The following MTUS1 variants were observed in gnomAD, a reference collection of about 807,000 sequenced individuals.
MTUS1 encodes the protein microtubule-associated tumor suppressor 1.
MTUS1 carries 109 observed loss-of-function variants against 120.8 expected under a neutral mutation model. The ratio of observed to expected loss-of-function variants is 0.90; its 90% CI spans 0.77 to 1.06. The LOEUF (loss-of-function observed/expected upper bound fraction) is 1.06, where lower values mean the gene tolerates loss of function less well. MTUS1 is among the 50% of genes least tolerant of loss of function. The pLI is 0.00. For synonymous variants in MTUS1, 737 were observed against 550.5 expected (o/e 1.34, Z -4.74); for missense variants, 2,210 against 1,486.3 (o/e 1.49, Z -8.01).
intron 4 of MTUS1, chr8:17,722,581 C>A: frequency 1.0e-6 from 1 of 985,116 alleles, no homozygotes; most frequent in Non-Finnish European, 1.2e-6. Context: ...TCATATGAGT[C>A]CAGCTACTGC....
At chr8:17,747,905 AAG>A (rs1188966922) in intron 2 of MTUS1, among the ~76,000 whole-genome samples, 1 of 152,176 alleles carries the variant, frequency 6.6e-6, no homozygotes, top group Non-Finnish European at 1.5e-5. Context: ...GCAGCAGGCA[AAG>A]AGAGCTCATG....
At chr8:17,793,084 TA>T (rs201484702) in intron 1 of MTUS1, among the ~76,000 whole-genome samples, 2,898 of 152,306 alleles carry the variant, frequency 0.019, 38 homozygotes, top group Non-Finnish European at 0.031. Flanking sequence ...CATTTTTCTC[TA>T]AACAGAAAAC....
intron 1 of MTUS1, among the ~76,000 whole-genome samples, chr8:17,774,284 C>G (rs1022923077): frequency 4.6e-5 from 7 of 152,176 alleles, no homozygotes; most frequent in Non-Finnish European, 8.8e-5. Flanking sequence ...TGCATAAACG[C>G]CAAACAGCTG....
intron 1 of MTUS1, among the ~76,000 whole-genome samples, chr8:17,784,424 T>G (rs999437241): frequency 5.3e-5 from 8 of 151,554 alleles, no homozygotes; most frequent in African/African-American, 1.9e-4. Context: ...GCCTCTCAGG[T>G]AGCTGGGATT....
intron 8 of MTUS1, among the ~76,000 whole-genome samples, chr8:17,665,581 A>T (rs1187160350): frequency 1.3e-5 from 2 of 152,104 alleles, no homozygotes; most frequent in Non-Finnish European, 2.9e-5. Context: ...GGCTGGTCTC[A>T]AACTCCGGGC....
chr8:17,664,694 A>G (rs12543967), intron 8 of MTUS1, among the ~76,000 whole-genome samples: 9,285 of 152,038 alleles, frequency 0.061, 485 homozygotes, highest in East Asian at 0.24. Context: ...GGGACACTAC[A>G]TTCTACCGTA....
At chr8:17,772,640 C>T (rs1458467376) in intron 1 of MTUS1, among the ~76,000 whole-genome samples, 1 of 152,152 alleles carries the variant, frequency 6.6e-6, no homozygotes, top group African/African-American at 2.4e-5. Flanking sequence ...AGTTTTCCTA[C>T]AAAGAGAAAC....
rs779852718 is a variant in MTUS1 at position 17,645,907 on chromosome 8, T to G, written c.*19A>C. The G allele has an allele frequency of 6.2e-6, 10 of 1,604,438 alleles. No homozygotes were observed. The East Asian group carries it at 2.2e-4, about 36-fold the overall frequency. On this transcript the variant is annotated 3_prime_UTR_variant, in exon 15 of 15. Coordinates refer to ENST00000693296, the MANE Select transcript of MTUS1 (RefSeq NM_001363059.2). ...TGCATCAAAATGCTTTCAGAGAGTC[T>G]GTGGACTTTGGGGAGGTGTCATCTG... is the stretch of plus-strand genomic sequence containing the variant.
rs567000809 is a variant in MTUS1, at chr8:17,797,893, G to A, written c.-155+3168C>T. Among the ~76,000 whole-genome samples, 4 of 152,208 alleles carry A rather than the reference G, an allele frequency of 2.6e-5. No individual in the cohort carries two copies. In the South Asian group the frequency reaches 8.3e-4, roughly 32 times the overall value. ...TTCAAGCTTTCACAACACAGAGAAA[G>A]AACCCAACTTTGAGATATCAGGAAG... is the stretch of plus-strand genomic sequence containing the variant. On this transcript the variant is annotated intron_variant, in intron 1 of 14. Coordinates refer to ENST00000693296, the MANE Select transcript of MTUS1 (RefSeq NM_001363059.2).
intron 3 of MTUS1, among the ~76,000 whole-genome samples, chr8:17,736,305 T>C (rs994811380): frequency 6.6e-6 from 1 of 152,210 alleles, no homozygotes; most frequent in Non-Finnish European, 1.5e-5. Flanking sequence ...TGGCCCTGCT[T>C]GGTTGGTCCT....
Position 17,780,296 on chromosome 8 carries a change from G to A in MTUS1, c.-155+20765C>T, listed in dbSNP as rs577328296. 4.6e-5 allele frequency among the ~76,000 whole-genome samples: 7 copies of A among 152,258 alleles called. No individual in the cohort carries two copies. In the East Asian group the frequency reaches 5.8e-4, roughly 13 times the overall value. On this transcript the variant is annotated intron_variant, in intron 1 of 14. Coordinates refer to ENST00000693296, the MANE Select transcript of MTUS1 (RefSeq NM_001363059.2). ...TCTGCCATGATTGGAAGCTGCCTGCGGCCTCATCAGAAGCACATGCCAGCA... is the reference window on the plus strand; with the variant it reads ...TCTGCCATGATTGGAAGCTGCCTGCAGCCTCATCAGAAGCACATGCCAGCA...
intron 8 of MTUS1, among the ~76,000 whole-genome samples, chr8:17,672,727 C>T (rs1585574343): frequency 6.6e-6 from 1 of 152,206 alleles, no homozygotes; most frequent in African/African-American, 2.4e-5. Flanking sequence ...CACTGGGTGA[C>T]TGGGGATCTG....
In MTUS1 at chr8:17,723,219, T is replaced by G. The variant is rs77773035; in HGVS notation, c.2449+453A>C. 349 of 181,954 alleles carry G rather than the reference T, an allele frequency of 1.9e-3. 9 individuals carry two copies. In the East Asian group the frequency reaches 0.022, roughly 12 times the overall value. 11.3% of individuals were successfully genotyped at this position (181,954 alleles called of 1,614,324 possible). A position where few individuals can be genotyped will look rare whatever the true frequency, so the allele number is the denominator to read the frequency against. ...TTATACACAGAAAATAGAACTCACG[T>G]TAACTGAAAACTTTAACAAAATTCT... On this transcript the variant is annotated intron_variant, in intron 4 of 14. Coordinates refer to ENST00000693296, the MANE Select transcript of MTUS1 (RefSeq NM_001363059.2).
At chr8:17,766,905 G>A (rs765797358) in intron 1 of MTUS1, among the ~76,000 whole-genome samples, 1 of 152,060 alleles carries the variant, frequency 6.6e-6, no homozygotes, top group Non-Finnish European at 1.5e-5. Flanking sequence ...GTATGATAGT[G>A]CAGAGTTAAT....
At chr8:17,767,707 A>AAAAAAACAACAAACAAACAAACAAAC (rs2049656474) in intron 1 of MTUS1, among the ~76,000 whole-genome samples, 1 of 144,444 alleles carries the variant, frequency 6.9e-6, no homozygotes, top group East Asian at 2.0e-4. Context: ...TCTTAAAAAA[A>AAAAAAACAACAAACAAACAAACAAAC]AAAAAAAAAA....
At chr8:17,801,189 C>G (rs904122584), upstream of MTUS1, among the ~76,000 whole-genome samples, 6 of 151,646 alleles carry the variant, frequency 4.0e-5, no homozygotes, top group Admixed American at 6.6e-5. Context: ...CACCTGGGGG[C>G]GCGCGGCGCG....
intron 6 of MTUS1, among the ~76,000 whole-genome samples, chr8:17,709,286 T>C (rs1585857143): frequency 1.3e-5 from 2 of 152,150 alleles, no homozygotes; most frequent in South Asian, 2.1e-4. Flanking sequence ...CTGTTTTCTT[T>C]ACACAACAGG....
At chr8:17,749,794 G>C (rs891582096) in intron 2 of MTUS1, among the ~76,000 whole-genome samples, 1 of 151,984 alleles carries the variant, frequency 6.6e-6, no homozygotes, top group Non-Finnish European at 1.5e-5. Flanking sequence ...ACTGATTGAC[G>C]TCTTATGTCT....
At chr8:17,729,984 C>CA (rs36018422) in intron 3 of MTUS1, among the ~76,000 whole-genome samples, 4,107 of 85,646 alleles carry the variant, frequency 0.048, 103 homozygotes, top group South Asian at 0.13. Context: ...ATGCTATCAT[C>CA]AAAAAAAAAA....
Sources: gnomAD v4.1 joint callset for allele counts (sites outside exome capture counted in the v4.1 genomes callset) on GRCh38, gnomAD v4.1.1 for gene constraint, MANE v1.5 for transcripts, NCBI Gene and HGNC (gene_info 2026-07-23, HGNC 2026-07-21) for gene names.